Variants in HSD17B12 observed in about 807,000 individuals in gnomAD.
HSD17B12 encodes hydroxysteroid 17-beta dehydrogenase 12.
A neutral mutation model predicts 39.3 loss-of-function variants in HSD17B12; 32 were observed. That is an observed-to-expected ratio of 0.81 (90% CI 0.61 to 1.09). The LOEUF is 1.09. Among genes scored for constraint, HSD17B12 ranks in the 50% least tolerant of loss-of-function variants. The pLI is 0.00. For synonymous variants in HSD17B12, 150 were observed against 146.7 expected (o/e 1.02, Z -0.16); for missense variants, 342 against 382.9 (o/e 0.89, Z 0.89).
At chr11:43,728,207 A>G (rs919267934) in intron 1 of HSD17B12, among the ~76,000 whole-genome samples, 32 of 152,084 alleles carry the variant, frequency 2.1e-4, no homozygotes, top group African/African-American at 7.5e-4. Flanking sequence ...CTGGGATTAC[A>G]GGTGCCTGCA....
intron 1 of HSD17B12, among the ~76,000 whole-genome samples, chr11:43,748,951 G>A (rs1950441244): frequency 6.6e-6 from 1 of 152,154 alleles, no homozygotes; most frequent in Admixed American, 6.6e-5. Flanking sequence ...ATGAATGATT[G>A]AACTCTAATA....
chr11:43,590,506 A>ATTTTTTGTTTTTTTTTTTTTTTTTTT, the HSD17B12 span, among the ~76,000 whole-genome samples: 1 of 51,610 alleles, frequency 1.9e-5, no homozygotes, highest in Non-Finnish European at 3.6e-5. Context: ...GGAGTGAGTG[A>ATTTTTTGTTTTTTTTTTTTTTTTTTT]TTTTTTTTTT....
At chr11:43,700,550 T>G (rs977310507) in intron 1 of HSD17B12, among the ~76,000 whole-genome samples, 32 of 152,116 alleles carry the variant, frequency 2.1e-4, no homozygotes, top group African/African-American at 7.5e-4. Context: ...TTCAATTGTT[T>G]TGAGTTTTAG....
intron 4 of HSD17B12, among the ~76,000 whole-genome samples, chr11:43,805,752 A>C (rs1187794853): frequency 3.9e-5 from 6 of 152,196 alleles, no homozygotes; most frequent in Non-Finnish European, 8.8e-5. Flanking sequence ...CTAACCACCC[A>C]GAGTTACTGC....
chr11:43,654,757 C>G, the HSD17B12 span, among the ~76,000 whole-genome samples: 1 of 152,050 alleles, frequency 6.6e-6, no homozygotes, highest in Non-Finnish European at 1.5e-5. Context: ...TGGTTTATAT[C>G]TCTGTTTTGG....
At chr11:43,636,273 A>G in the HSD17B12 span, among the ~76,000 whole-genome samples, 1 of 152,184 alleles carries the variant, frequency 6.6e-6, no homozygotes, top group Non-Finnish European at 1.5e-5. Flanking sequence ...GTTTTAGTAG[A>G]CCGGAAGCCT....
chr11:43,774,878 C>T (rs569891743), intron 3 of HSD17B12, among the ~76,000 whole-genome samples: 1 of 152,230 alleles, frequency 6.6e-6, no homozygotes, highest in South Asian at 2.1e-4. Context: ...TCATGGATGC[C>T]ATTCTTGTGA....
At chr11:43,734,467 T>C in intron 1 of HSD17B12, 1 of 684,874 alleles carries the variant, frequency 1.5e-6, no homozygotes, top group East Asian at 2.9e-5. Context: ...TCGAGCTGTG[T>C]AAGCTGGAAG....
At chr11:43,722,741 T>A (rs938997014) in intron 1 of HSD17B12, among the ~76,000 whole-genome samples, 3 of 151,708 alleles carry the variant, frequency 2.0e-5, no homozygotes. Flanking sequence ...CCCAGCTACT[T>A]GGGAGGCTGA....
intron 1 of HSD17B12, among the ~76,000 whole-genome samples, chr11:43,694,794 G>T (rs1222453558): frequency 2.0e-5 from 3 of 152,002 alleles, no homozygotes; most frequent in Admixed American, 6.5e-5. Flanking sequence ...ACATTCTAGG[G>T]CTTTACTACA....
chr11:43,696,244 G>A (rs1323159088), intron 1 of HSD17B12, among the ~76,000 whole-genome samples: 6 of 152,070 alleles, frequency 3.9e-5, no homozygotes, highest in Non-Finnish European at 2.9e-5. Flanking sequence ...CCTGTGCTGG[G>A]TATGAGAATA....
chr11:43,590,225 T>C, the HSD17B12 span, among the ~76,000 whole-genome samples: 8 of 152,010 alleles, frequency 5.3e-5, no homozygotes, highest in East Asian at 9.7e-4. Context: ...ATGTTGTGAA[T>C]TGGGCTGGGG....
the HSD17B12 span, among the ~76,000 whole-genome samples, chr11:43,634,132 C>T: frequency 2.6e-4 from 33 of 128,638 alleles, no homozygotes; most frequent in African/African-American, 9.2e-4. Flanking sequence ...TATAAGATAC[C>T]TTAAGATACT....
At chr11:43,802,863 C>T (rs1950984784) in intron 4 of HSD17B12, among the ~76,000 whole-genome samples, 1 of 152,188 alleles carries the variant, frequency 6.6e-6, no homozygotes. Context: ...CAGATACTCA[C>T]ACAACTTTGA....
At chr11:43,608,709 G>T in the HSD17B12 span, among the ~76,000 whole-genome samples, 1 of 152,130 alleles carries the variant, frequency 6.6e-6, no homozygotes, top group African/African-American at 2.4e-5. Flanking sequence ...TTTGGCTATT[G>T]TAGGTAATGC....
At chr11:43,684,986 AT>A (rs1201630038) in intron 1 of HSD17B12, among the ~76,000 whole-genome samples, 1 of 151,962 alleles carries the variant, frequency 6.6e-6, no homozygotes, top group Non-Finnish European at 1.5e-5. Flanking sequence ...TGGCTCTTTG[AT>A]TTTTGCATAA....
At chr11:43,750,519 T>C (rs112972985) in intron 1 of HSD17B12, among the ~76,000 whole-genome samples, 4,177 of 152,272 alleles carry the variant, frequency 0.027, 199 homozygotes, top group African/African-American at 0.094. Flanking sequence ...TTACCTACTA[T>C]GCATCAACTA....
chr11:43,786,084 C>T (rs1189209402), intron 3 of HSD17B12, among the ~76,000 whole-genome samples: 2 of 152,242 alleles, frequency 1.3e-5, no homozygotes, highest in East Asian at 3.9e-4. Flanking sequence ...ACAAACTAAC[C>T]TCATTCATTT....
intron 4 of HSD17B12, among the ~76,000 whole-genome samples, chr11:43,813,507 T>A (rs1951092221): frequency 6.6e-6 from 1 of 151,498 alleles, no homozygotes; most frequent in Admixed American, 6.6e-5. Context: ...TCCTGGAAGA[T>A]TCTGTTATCT....
Sources: gnomAD v4.1 joint callset for allele counts (sites outside exome capture counted in the v4.1 genomes callset) on GRCh38, gnomAD v4.1.1 for gene constraint, MANE v1.5 for transcripts, NCBI Gene and HGNC (gene_info 2026-07-23, HGNC 2026-07-21) for gene names.